PRKCE: variants seen among roughly 807,000 people sequenced by gnomAD.
PRKCE encodes protein kinase C epsilon.
In PRKCE, 16 loss-of-function variants were observed where a neutral mutation model predicts 85.4. That is an observed-to-expected ratio of 0.19 (90% CI 0.13 to 0.28). The LOEUF is 0.28. Among genes scored for constraint, PRKCE ranks in the 10% least tolerant of loss-of-function variants. The pLI is 1.00. For synonymous variants in PRKCE, 388 were observed against 371.5 expected (o/e 1.04, Z -0.51); for missense variants, 573 against 975.2 (o/e 0.59, Z 5.49).
intron 2 of PRKCE, among the ~76,000 whole-genome samples, chr2:45,937,591 T>C (rs955484491): frequency 6.6e-6 from 1 of 152,090 alleles, no homozygotes; most frequent in East Asian, 1.9e-4. Flanking sequence ...GGCGGGCACC[T>C]GTAGTCCCAG....
chr2:46,158,123 C>G (rs1000066379), intron 13 of PRKCE, among the ~76,000 whole-genome samples: 1 of 152,134 alleles, frequency 6.6e-6, no homozygotes, highest in Admixed American at 6.5e-5. Context: ...AAGACAGATT[C>G]CTAAATCATA....
At chr2:46,120,836 A>G (rs1374214064) in intron 11 of PRKCE, among the ~76,000 whole-genome samples, 1 of 152,224 alleles carries the variant, frequency 6.6e-6, no homozygotes, top group African/African-American at 2.4e-5. Context: ...TAAGTCAAGA[A>G]GTATATTTAA....
chr2:45,964,973 G>A (rs999519399), intron 2 of PRKCE, among the ~76,000 whole-genome samples: 3 of 152,178 alleles, frequency 2.0e-5, no homozygotes, highest in African/African-American at 7.2e-5. Flanking sequence ...AAGTGAAGAG[G>A]AAGGAGAAAC....
chr2:45,964,480 A>C (rs143667239), intron 2 of PRKCE, among the ~76,000 whole-genome samples: 1 of 152,332 alleles, frequency 6.6e-6, no homozygotes, highest in Non-Finnish European at 1.5e-5. Flanking sequence ...GCACTCTTTG[A>C]GCTTTCAGCA....
At chr2:45,802,847 T>C (rs755936985) in intron 1 of PRKCE, among the ~76,000 whole-genome samples, 4 of 152,224 alleles carry the variant, frequency 2.6e-5, no homozygotes, top group Non-Finnish European at 5.9e-5. Flanking sequence ...CTAAATCATA[T>C]GGTGCTTTAA....
At chr2:45,941,065 T>TAAACAAAAAAAAAAAAAAAAAAAAA (rs1699840732) in intron 2 of PRKCE, among the ~76,000 whole-genome samples, 1 of 67,162 alleles carries the variant, frequency 1.5e-5, no homozygotes, top group Non-Finnish European at 2.6e-5. Flanking sequence ...GACTTCATCC[T>TAAACAAAAAAAAAAAAAAAAAAAAA]AAAAAAAAAA....
chr2:46,001,335 T>C lies in PRKCE; in HGVS notation c.824-69T>C. 1 of 1,457,510 alleles carries C rather than the reference T, an allele frequency of 6.9e-7. No homozygotes were observed. The highest frequency in any genetic ancestry group is 9.2e-7 in the Non-Finnish European group (1 of 1,084,472). 90.3% of individuals were successfully genotyped at this position (1,457,510 alleles called of 1,614,324 possible). ...AATACTTCATGAACATATAATACAA[T>C]CTCAAAGAAAAGAAGCAACATCTTA... On this transcript the variant is annotated intron_variant, in intron 6 of 14. Transcript: ENST00000306156. The surrounding 1 kb of genome is among the most constrained non-coding windows in gnomAD (Gnocchi z 4.4).
chr2:45,954,669 C>T (rs1700850984), intron 2 of PRKCE, among the ~76,000 whole-genome samples: 1 of 152,136 alleles, frequency 6.6e-6, no homozygotes, highest in Non-Finnish European at 1.5e-5. Context: ...GGGGGAGAAC[C>T]TCATTTCAAT....
At chr2:46,078,106 A>G (rs1004986952) in intron 10 of PRKCE, 1 of 152,228 alleles carries the variant, frequency 6.6e-6, no homozygotes, top group East Asian at 1.9e-4. Context: ...TTCAAAGACA[A>G]TAAAACATTT....
chr2:45,876,752 C>T (rs998137589), intron 2 of PRKCE, among the ~76,000 whole-genome samples: 1 of 152,204 alleles, frequency 6.6e-6, no homozygotes, highest in African/African-American at 2.4e-5. Context: ...TTTACCTCAT[C>T]TCTTATAAAC....
At position 45,697,659 on chromosome 2, in the gene PRKCE, T is replaced by A. The variant is rs986089039; in HGVS notation, c.348+45211T>A. Among the ~76,000 whole-genome samples, 1 of 152,174 alleles carries A rather than the reference T, an allele frequency of 6.6e-6. No individual in the cohort carries two copies. Among genetic ancestry groups the A allele is most frequent in the African/African-American group, 2.4e-5 (1 of 41,448 alleles). On this transcript the variant is annotated intron_variant, in intron 1 of 14. Transcript: ENST00000306156. The surrounding 1 kb of genome is among the most constrained non-coding windows in gnomAD (Gnocchi z 4.2). Reference sequence around the variant, plus strand: ...CATCCCTGCAGGTGCCATCTTCACCTGAAGGCCCTTGGCTCCAACCTGCCT... The same window carrying A: ...CATCCCTGCAGGTGCCATCTTCACCAGAAGGCCCTTGGCTCCAACCTGCCT...
intron 6 of PRKCE, among the ~76,000 whole-genome samples, chr2:45,993,216 T>G (rs1235443504): frequency 6.6e-6 from 1 of 152,184 alleles, no homozygotes; most frequent in Non-Finnish European, 1.5e-5. Flanking sequence ...TTCTTTTGGT[T>G]CCAACAGGGA....
chr2:45,920,251 A>G (rs961092380), intron 2 of PRKCE, among the ~76,000 whole-genome samples: 1 of 152,236 alleles, frequency 6.6e-6, no homozygotes, highest in Non-Finnish European at 1.5e-5. Flanking sequence ...ACTTTGGAGG[A>G]TGATGGAGTG....
rs1237891393 is a variant in PRKCE at position 46,187,883 on chromosome 2, A to G, written c.*3002A>G. On this transcript the variant is annotated 3_prime_UTR_variant, in exon 15 of 15. Transcript: ENST00000306156. Reference sequence around the variant, plus strand: ...ATGTAATTTTAATCTCTTGCCATTCATTAGTGTTATTTCATTGTAAACGTT... The same window carrying G: ...ATGTAATTTTAATCTCTTGCCATTCGTTAGTGTTATTTCATTGTAAACGTT... 1 of 150,218 alleles carries G rather than the reference A, an allele frequency of 6.7e-6. No homozygotes were observed. Among genetic ancestry groups the G allele is most frequent in the Non-Finnish European group, 1.5e-5 (1 of 67,606 alleles). The allele number at this position is 150,218 out of a possible 1,614,324, so 9.3% of individuals were successfully genotyped here. A position where few individuals can be genotyped will look rare whatever the true frequency, so the allele number is the denominator to read the frequency against.
chr2:45,884,779 C>T (rs1037849570), intron 2 of PRKCE, among the ~76,000 whole-genome samples: 6 of 151,532 alleles, frequency 4.0e-5, no homozygotes, highest in Non-Finnish European at 8.8e-5. Context: ...AAACTTCAAC[C>T]AGCACAGAGG....
intron 2 of PRKCE, among the ~76,000 whole-genome samples, chr2:45,936,376 C>T (rs72802825): frequency 0.026 from 4,035 of 152,320 alleles, 94 homozygotes; most frequent in East Asian, 0.11. Context: ...AAGGGGAAAC[C>T]TTTGGGCCAG....
chr2:46,061,183 C>T (rs1230990630), intron 10 of PRKCE, among the ~76,000 whole-genome samples: 3 of 141,196 alleles, frequency 2.1e-5, no homozygotes, highest in Non-Finnish European at 1.5e-5. Flanking sequence ...GATCAGGGCT[C>T]GCTGCAGCCT....
intron 1 of PRKCE, among the ~76,000 whole-genome samples, chr2:45,788,690 T>C (rs1287414353): frequency 6.6e-6 from 1 of 152,226 alleles, no homozygotes; most frequent in Non-Finnish European, 1.5e-5. Context: ...ACACTCCGTC[T>C]GAAAGGGATG....
chr2:45,667,106 T>C (rs958899239), intron 1 of PRKCE, among the ~76,000 whole-genome samples: 2 of 151,804 alleles, frequency 1.3e-5, no homozygotes, highest in South Asian at 4.2e-4. Flanking sequence ...AGGTCAGGAG[T>C]TCGAGACCAG....
Sources: allele counts gnomAD v4.1 joint callset (sites outside exome capture counted in the v4.1 genomes callset), GRCh38; gene constraint gnomAD v4.1.1; non-coding constraint Gnocchi (gnomAD v3.1); transcripts MANE v1.5; gene names NCBI Gene and HGNC (gene_info 2026-07-23, HGNC 2026-07-21).